The following PPIH variants were observed in gnomAD, a reference collection of about 807,000 sequenced individuals.
PPIH encodes the protein peptidyl-prolyl cis-trans isomerase H.
A neutral mutation model predicts 27.6 loss-of-function variants in PPIH; 16 were observed. The observed-to-expected ratio is 0.58, with a 90% CI of 0.39 to 0.88. PPIH has a LOEUF of 0.88. Ranked by LOEUF, PPIH falls within the 40% of genes least tolerant of loss-of-function variation. PPIH has a pLI of 0.00. For missense variants in PPIH, 155 were observed against 224.1 expected (o/e 0.69, Z 1.97); for synonymous variants, 63 against 76.1 (o/e 0.83, Z 0.90).
chr1:42,667,847 A>C (rs2148718903), intron 9 of PPIH, among the ~76,000 whole-genome samples: 1 of 152,250 alleles, frequency 6.6e-6, no homozygotes, highest in African/African-American at 2.4e-5. Context: ...CAGGAGACAC[A>C]CCTGTCATGC....
chr1:42,662,512 C>T (rs1436888353), intron 5 of PPIH, among the ~76,000 whole-genome samples: 4 of 151,580 alleles, frequency 2.6e-5, no homozygotes, highest in African/African-American at 7.3e-5. Flanking sequence ...CATGTTCATA[C>T]CACTGCACTC....
chr1:42,674,390 G>GC (rs1349117743), intron 9 of PPIH, among the ~76,000 whole-genome samples: 1 of 152,232 alleles, frequency 6.6e-6, no homozygotes, highest in Non-Finnish European at 1.5e-5. Flanking sequence ...TATGACTGAA[G>GC]CAGGAAGATA....
At chr1:42,680,574 G>C (rs1649992755), downstream of PPIH, among the ~76,000 whole-genome samples, 1 of 152,178 alleles carries the variant, frequency 6.6e-6, no homozygotes, top group African/African-American at 2.4e-5. Context: ...ACAGTGTCAT[G>C]ATCAGATAGA....
At chr1:42,664,835 C>G in intron 5 of PPIH, 28 bp from the exon 6 acceptor site, 1 of 1,580,962 alleles carries the variant, frequency 6.3e-7, no homozygotes, top group East Asian at 2.3e-5. Flanking sequence ...CACTCCAAGT[C>G]ACTAATACTT....
chr1:42,677,012 T>C (rs1649912954), downstream of PPIH, among the ~76,000 whole-genome samples: 2 of 152,174 alleles, frequency 1.3e-5, no homozygotes, highest in African/African-American at 4.8e-5. Context: ...CTCTACTTAT[T>C]CCAAGGATGT....
In PPIH at chr1:42,664,972, C is replaced by G. The variant is rs774102864; in HGVS notation, c.336+17C>G. 4.8e-5 allele frequency: 78 copies of G among 1,610,704 alleles called. No homozygotes were observed. Among genetic ancestry groups the G allele is most frequent in the Non-Finnish European group, 6.6e-5 (78 of 1,177,246 alleles). On this transcript the variant is annotated intron_variant, in intron 6 of 9. Coordinates refer to ENST00000304979, the MANE Select transcript of PPIH (RefSeq NM_006347.4). ...CTTTCCATGGTAAGTGAGGTCCAAT[C>G]AAGGTTTTGGGTTATAGCCAGCTGG...
At chr1:42,665,956 G>A (rs751827702) in intron 6 of PPIH, 24 bp from the exon 7 acceptor site, 2 of 1,597,368 alleles carry the variant, frequency 1.3e-6, no homozygotes, top group African/African-American at 1.3e-5. Flanking sequence ...GAAACTTACT[G>A]CAGGTATATT....
At chr1:42,671,378 A>G (rs1008352941) in intron 9 of PPIH, among the ~76,000 whole-genome samples, 2 of 152,184 alleles carry the variant, frequency 1.3e-5, no homozygotes, top group Admixed American at 6.5e-5. Flanking sequence ...CAGTGAGCCA[A>G]GATTGTGCCA....
At chr1:42,663,924 T>C (rs960187255) in intron 5 of PPIH, among the ~76,000 whole-genome samples, 1 of 152,178 alleles carries the variant, frequency 6.6e-6, no homozygotes. Flanking sequence ...CTCCTCAATA[T>C]TGCCTTTAAA....
intron 7 of PPIH, 147 bp downstream of exon 7, chr1:42,666,214 G>A (rs1649329056): frequency 1.3e-6 from 1 of 778,160 alleles, no homozygotes. Flanking sequence ...GTGGGGAGGT[G>A]GGGAACATGT....
chr1:42,667,256 T>C (rs1452025279), intron 8 of PPIH, 95 bp from the exon 9 acceptor site: 1 of 1,105,162 alleles, frequency 9.0e-7, no homozygotes, highest in East Asian at 2.5e-5. Context: ...GAGTGCTGAG[T>C]CCTTAGCACA....
intron 8 of PPIH, among the ~76,000 whole-genome samples, chr1:42,666,923 C>T (rs1406059875): frequency 6.6e-6 from 1 of 152,174 alleles, no homozygotes; most frequent in East Asian, 1.9e-4. Context: ...TTCTCTAAAT[C>T]TGCCATGCAT....
chr1:42,664,369 G>A (rs75839254), intron 5 of PPIH, among the ~76,000 whole-genome samples: 1 of 152,164 alleles, frequency 6.6e-6, no homozygotes, highest in African/African-American at 2.4e-5. Context: ...AGTTGGCCCA[G>A]AGTGAGTTAG....
intron 6 of PPIH, 41 bp downstream of exon 6, chr1:42,664,996 G>C: frequency 6.4e-7 from 1 of 1,559,676 alleles, no homozygotes; most frequent in Non-Finnish European, 8.8e-7. Context: ...ATAGCCAGCT[G>C]GTTCCTGGGC....
chr1:42,661,758 G>C lies in PPIH; in HGVS notation c.243+854G>C, dbSNP rs544678886. On this transcript the variant is annotated intron_variant, in intron 5 of 9. Transcript: ENST00000304979. ...TTCCTATGCAATACAGGGTTGCAGA[G>C]TGGCAGGTTTTAGGCCGAATTACGT... 1.7e-4 allele frequency among the ~76,000 whole-genome samples: 26 copies of C among 152,276 alleles called. 1 individual carries two copies. The highest frequency in any genetic ancestry group is 5.8e-4 in the African/African-American group (24 of 41,534).
chr1:42,675,023 G>A (rs1440883093), intron 9 of PPIH, among the ~76,000 whole-genome samples: 1 of 152,244 alleles, frequency 6.6e-6, no homozygotes, highest in Non-Finnish European at 1.5e-5. Context: ...AGATCTGGAT[G>A]TGTTGGCAAG....
At chr1:42,663,283 C>A (rs1215072812) in intron 5 of PPIH, among the ~76,000 whole-genome samples, 1 of 152,148 alleles carries the variant, frequency 6.6e-6, no homozygotes, top group Non-Finnish European at 1.5e-5. Context: ...ATTGAATCTT[C>A]ATGATAACTG....
chr1:42,671,463 A>G (rs1253524956), intron 9 of PPIH, among the ~76,000 whole-genome samples: 1 of 152,182 alleles, frequency 6.6e-6, no homozygotes, highest in Non-Finnish European at 1.5e-5. Flanking sequence ...TAATAAATGT[A>G]AAGAGCCAGT....
intron 5 of PPIH, among the ~76,000 whole-genome samples, 163 bp from the exon 6 acceptor site, chr1:42,664,700 A>G (rs1649235580): frequency 6.6e-6 from 1 of 152,118 alleles, no homozygotes; most frequent in Non-Finnish European, 1.5e-5. Context: ...ATAAGGCTTG[A>G]TCTGATTGCA....
Sources: allele counts gnomAD v4.1 joint callset (sites outside exome capture counted in the v4.1 genomes callset), GRCh38; gene constraint gnomAD v4.1.1; transcripts MANE v1.5; gene names NCBI Gene and HGNC (gene_info 2026-07-23, HGNC 2026-07-21).